CPQ: variants seen among roughly 807,000 people sequenced by gnomAD.
CPQ encodes carboxypeptidase Q.
CPQ carries 37 observed loss-of-function variants against 45.7 expected under a neutral mutation model. The observed-to-expected ratio is 0.81, with a 90% CI of 0.62 to 1.07. CPQ has a LOEUF of 1.07. Among genes scored for constraint, CPQ ranks in the 50% least tolerant of loss-of-function variants. CPQ has a pLI of 0.00. For synonymous variants in CPQ, 186 were observed against 205.8 expected (o/e 0.90, Z 0.82); for missense variants, 537 against 572.9 (o/e 0.94, Z 0.64).
chr8:96,972,215 G>A (rs1813691296), intron 5 of CPQ, among the ~76,000 whole-genome samples: 1 of 152,154 alleles, frequency 6.6e-6, no homozygotes, highest in African/African-American at 2.4e-5. Flanking sequence ...TGGGAGCAGG[G>A]TAAGGCCTGT....
intron 1 of CPQ, among the ~76,000 whole-genome samples, chr8:96,737,284 A>G (rs1018132151): frequency 8.8e-5 from 13 of 147,886 alleles, no homozygotes; most frequent in Non-Finnish European, 1.2e-4. Flanking sequence ...ATATATATGT[A>G]TATATACACA....
intron 4 of CPQ, among the ~76,000 whole-genome samples, chr8:96,912,306 G>GTTCT (rs1812674997): frequency 6.6e-6 from 1 of 152,168 alleles, no homozygotes; most frequent in Non-Finnish European, 1.5e-5. Flanking sequence ...TTACTTTCAT[G>GTTCT]TTCTGTCTTT....
chr8:96,926,982 T>C (rs1443796680), intron 4 of CPQ, among the ~76,000 whole-genome samples: 2 of 152,200 alleles, frequency 1.3e-5, no homozygotes, highest in East Asian at 3.9e-4. Context: ...AAAGAATATC[T>C]TTGGCTGCAA....
At chr8:97,091,782 T>C (rs1240741421) in intron 7 of CPQ, among the ~76,000 whole-genome samples, 1 of 151,978 alleles carries the variant, frequency 6.6e-6, no homozygotes, top group African/African-American at 2.4e-5. Flanking sequence ...GTAGGGAAAT[T>C]ATAAGGAAGA....
At chr8:97,013,266 C>G (rs1809521845) in intron 5 of CPQ, among the ~76,000 whole-genome samples, 1 of 152,012 alleles carries the variant, frequency 6.6e-6, no homozygotes, top group Non-Finnish European at 1.5e-5. Context: ...GGCAACAGAG[C>G]AAGACTCCAT....
At chr8:96,821,589 T>C (rs1198744658) in intron 2 of CPQ, among the ~76,000 whole-genome samples, 1 of 152,004 alleles carries the variant, frequency 6.6e-6, no homozygotes, top group African/African-American at 2.4e-5. Flanking sequence ...TGTTCAGATA[T>C]GTTATAATAA....
At chr8:97,033,070 A>G (rs1809936590) in intron 6 of CPQ, among the ~76,000 whole-genome samples, 1 of 151,466 alleles carries the variant, frequency 6.6e-6, no homozygotes, top group Admixed American at 6.6e-5. Flanking sequence ...AAGGGACAGC[A>G]GCTCCCCTTT....
intron 1 of CPQ, among the ~76,000 whole-genome samples, chr8:96,741,551 T>G (rs1352933766): frequency 6.6e-6 from 1 of 152,240 alleles, no homozygotes; most frequent in Admixed American, 6.5e-5. Flanking sequence ...TTTCTAATTC[T>G]TTTAATTGTG....
intron 4 of CPQ, among the ~76,000 whole-genome samples, chr8:96,897,790 G>C (rs1812462615): frequency 6.6e-6 from 1 of 152,052 alleles, no homozygotes; most frequent in African/African-American, 2.4e-5. Context: ...TGAGACTCTG[G>C]AGGTGAATTT....
intron 4 of CPQ, among the ~76,000 whole-genome samples, chr8:96,897,156 G>A (rs1056646106): frequency 6.6e-6 from 1 of 152,180 alleles, no homozygotes; most frequent in Non-Finnish European, 1.5e-5. Context: ...TCAGAGTGCT[G>A]TAACCTATTT....
intron 1 of CPQ, among the ~76,000 whole-genome samples, chr8:96,744,611 T>G (rs2130781667): frequency 6.6e-6 from 1 of 152,374 alleles, no homozygotes; most frequent in Non-Finnish European, 1.5e-5. Context: ...TTTTGTCTCA[T>G]ACTAATAAAA....
chr8:96,729,995 TG>T (rs1809889789), intron 1 of CPQ, among the ~76,000 whole-genome samples: 1 of 152,180 alleles, frequency 6.6e-6, no homozygotes, highest in South Asian at 2.1e-4. Flanking sequence ...AAAATGGGCT[TG>T]GGTCTGGAGA....
intron 2 of CPQ, among the ~76,000 whole-genome samples, chr8:96,830,781 G>A (rs1412832775): frequency 6.6e-6 from 1 of 152,086 alleles, no homozygotes; most frequent in Admixed American, 6.6e-5. Context: ...TACAGATTAA[G>A]GAAAAGAATT....
chr8:96,796,616 G>T (rs1810933220), intron 2 of CPQ, among the ~76,000 whole-genome samples: 1 of 152,174 alleles, frequency 6.6e-6, no homozygotes, highest in South Asian at 2.1e-4. Flanking sequence ...CTAAGGAACA[G>T]TTCTTTAGGT....
At chr8:96,705,806 T>G (rs369508553) in intron 1 of CPQ, among the ~76,000 whole-genome samples, 3 of 152,286 alleles carry the variant, frequency 2.0e-5, no homozygotes. Flanking sequence ...AGGCATTATT[T>G]TACTCAGGAT....
intron 6 of CPQ, among the ~76,000 whole-genome samples, chr8:97,057,564 G>C (rs1810477220): frequency 6.6e-6 from 1 of 152,116 alleles, no homozygotes; most frequent in Non-Finnish European, 1.5e-5. Context: ...ATATCCTCAA[G>C]TTGCTTTTAA....
intron 1 of CPQ, among the ~76,000 whole-genome samples, chr8:96,743,014 T>C (rs975755827): frequency 2.0e-5 from 3 of 152,200 alleles, no homozygotes; most frequent in Admixed American, 6.5e-5. Flanking sequence ...TGATTCTGAA[T>C]GTTGGCCTGC....
chr8:96,728,460 C>T (rs560278824), intron 1 of CPQ, among the ~76,000 whole-genome samples: 22 of 152,128 alleles, frequency 1.4e-4, no homozygotes, highest in African/African-American at 5.1e-4. Flanking sequence ...ACTAAAACAG[C>T]AGTTTTTTGA....
At chr8:96,753,508 A>ATAATT (rs1810289438) in intron 1 of CPQ, among the ~76,000 whole-genome samples, 2 of 139,378 alleles carry the variant, frequency 1.4e-5, no homozygotes, top group Non-Finnish European at 1.7e-5. Flanking sequence ...CCATTTGTTT[A>ATAATT]AGTTTTCTTC....
Sources: gnomAD v4.1 joint callset for allele counts (sites outside exome capture counted in the v4.1 genomes callset) on GRCh38, gnomAD v4.1.1 for gene constraint, MANE v1.5 for transcripts, NCBI Gene and HGNC (gene_info 2026-07-23, HGNC 2026-07-21) for gene names.